The following FNDC3B variants were observed in gnomAD, a reference collection of about 807,000 sequenced individuals.
FNDC3B encodes fibronectin type III domain containing 3B.
In FNDC3B, 12 loss-of-function variants were observed where a neutral mutation model predicts 151.5. The ratio of observed to expected loss-of-function variants is 0.08; its 90% confidence interval spans 0.05 to 0.13. The LOEUF is 0.13. Ranked by LOEUF, FNDC3B falls within the 10% of genes least tolerant of loss-of-function variation. The pLI, the probability that FNDC3B is intolerant of heterozygous loss-of-function variation, is 1.00. For synonymous variants in FNDC3B, 528 were observed against 549.0 expected (o/e 0.96, Z 0.54); for missense variants, 1,214 against 1,505.3 (o/e 0.81, Z 3.20).
chr3:172,175,062 TGCTGCTTTTGCTTTCTC>T (rs915735506), intron 3 of FNDC3B, among the ~76,000 whole-genome samples: 6 of 151,354 alleles, frequency 4.0e-5, no homozygotes, highest in African/African-American at 4.9e-5. Context: ...ACCAGGCCCC[TGCTGCTTTTGCTTTCTC>T]GCTGCTTTTG....
At chr3:172,068,226 T>G (rs1717598431) in intron 1 of FNDC3B, among the ~76,000 whole-genome samples, 1 of 152,132 alleles carries the variant, frequency 6.6e-6, no homozygotes, top group South Asian at 2.1e-4. Context: ...CACCTTTATA[T>G]CCCCAGGGTC....
intron 1 of FNDC3B, among the ~76,000 whole-genome samples, chr3:172,094,299 T>C (rs1263366057): frequency 6.6e-6 from 1 of 152,242 alleles, no homozygotes; most frequent in Non-Finnish European, 1.5e-5. Context: ...CTCATAGCCG[T>C]TGGCAGTTGC....
rs1734633857 is a variant in FNDC3B at position 172,366,629 on chromosome 3, A to AGTC, written c.3008+3784_3008+3785insGTC. Reference sequence around the variant, plus strand: ...TAAGGAACTCACAGTCTGGTGGGTAATGGTAGAACACAGATGCTTTAAAGC... The same window carrying AGTC: ...TAAGGAACTCACAGTCTGGTGGGTAAGTCTGGTAGAACACAGATGCTTTAAAGC... On this transcript the variant is annotated intron_variant, in intron 23 of 25. Transcript: ENST00000415807. Among the ~76,000 whole-genome samples, 3 of 152,350 alleles carry AGTC rather than the reference A, an allele frequency of 2.0e-5. No homozygotes were observed. In the South Asian group the frequency reaches 6.2e-4, roughly 32 times the overall value.
intron 25 of FNDC3B, among the ~76,000 whole-genome samples, chr3:172,392,627 T>C (rs1736065292): frequency 6.6e-6 from 1 of 152,048 alleles, no homozygotes; most frequent in South Asian, 2.1e-4. Context: ...CACACTGGGC[T>C]TTAGAAACAT....
intron 4 of FNDC3B, among the ~76,000 whole-genome samples, chr3:172,238,764 C>G (rs1317661872): frequency 6.6e-6 from 1 of 152,120 alleles, no homozygotes; most frequent in Non-Finnish European, 1.5e-5. Context: ...AGTACCGATG[C>G]ATTTGTACTC....
chr3:172,369,055 A>T (rs1254019476), intron 23 of FNDC3B, among the ~76,000 whole-genome samples: 1 of 152,192 alleles, frequency 6.6e-6, no homozygotes, highest in African/African-American at 2.4e-5. Flanking sequence ...AAGGAGCATA[A>T]CAATTTAGCC....
intron 9 of FNDC3B, among the ~76,000 whole-genome samples, chr3:172,299,897 A>G (rs1031774902): frequency 1.6e-4 from 25 of 152,362 alleles, no homozygotes; most frequent in African/African-American, 6.0e-4. Context: ...GTTAAAAAAA[A>G]GGTAGTAAAG....
In FNDC3B at chr3:172,236,771, A is replaced by G. The variant is rs1727189228; in HGVS notation, c.264+9824A>G. On this transcript the variant is annotated intron_variant, in intron 4 of 25. Transcript: ENST00000415807. ...CTCATCCTGGGGTCTCCAGTTCATA[A>G]GATGTGTCTCTTGACCTTGCTGGAC... 2.0e-5 allele frequency among the ~76,000 whole-genome samples: 3 copies of G among 152,332 alleles called. No homozygotes were observed. In the South Asian group the frequency reaches 6.2e-4, roughly 32 times the overall value.
chr3:172,145,909 G>GT (rs1294724582), intron 3 of FNDC3B, among the ~76,000 whole-genome samples: 1 of 150,886 alleles, frequency 6.6e-6, no homozygotes, highest in Non-Finnish European at 1.5e-5. Flanking sequence ...CGCCACCCGG[G>GT]TTTAAGCGAT....
intron 10 of FNDC3B, among the ~76,000 whole-genome samples, chr3:172,308,882 G>C (rs1422320758): frequency 6.6e-6 from 1 of 152,066 alleles, no homozygotes; most frequent in South Asian, 2.1e-4. Context: ...TGTAAGGAAA[G>C]AATTAAAATC....
rs1736389535 is a variant in FNDC3B at position 172,398,187 on chromosome 3, A to G, written c.*712A>G. 1 of 152,672 alleles carries G rather than the reference A, an allele frequency of 6.5e-6. No homozygotes were observed. The highest frequency in any genetic ancestry group is 2.4e-5 in the African/African-American group (1 of 41,466). 9.5% of individuals were successfully genotyped at this position (152,672 alleles called of 1,614,324 possible). On this transcript the variant is annotated 3_prime_UTR_variant, in exon 26 of 26. Transcript: ENST00000415807. ...AGATTTTACCACATCAATTCATAGC[A>G]GTAACTTTAAGAGGGCATTGTGCAA...
intron 2 of FNDC3B, among the ~76,000 whole-genome samples, chr3:172,122,530 T>C (rs1353120166): frequency 1.3e-5 from 2 of 152,256 alleles, no homozygotes; most frequent in South Asian, 2.1e-4. Flanking sequence ...ACATTATGCA[T>C]GTGCTGCTTT....
At chr3:172,288,151 G>A (rs974870326) in intron 7 of FNDC3B, among the ~76,000 whole-genome samples, 1 of 152,200 alleles carries the variant, frequency 6.6e-6, no homozygotes, top group Non-Finnish European at 1.5e-5. Context: ...GAAAGTATGT[G>A]AGGCAGGTTG....
At chr3:172,204,465 T>C (rs1184391055) in intron 3 of FNDC3B, among the ~76,000 whole-genome samples, 3 of 152,210 alleles carry the variant, frequency 2.0e-5, no homozygotes, top group Non-Finnish European at 4.4e-5. Flanking sequence ...ATGGTCCATT[T>C]CTGTGCATGT....
intron 23 of FNDC3B, among the ~76,000 whole-genome samples, chr3:172,372,472 C>T (rs998121202): frequency 2.0e-5 from 3 of 152,206 alleles, no homozygotes; most frequent in Non-Finnish European, 2.9e-5. Context: ...GCTATATATA[C>T]ATTATTCCTT....
chr3:172,254,674 T>G (rs774869329), intron 6 of FNDC3B, among the ~76,000 whole-genome samples: 1 of 152,188 alleles, frequency 6.6e-6, no homozygotes, highest in Non-Finnish European at 1.5e-5. Flanking sequence ...AGGAAACTGC[T>G]CTGTGGCTAG....
At chr3:172,392,009 C>A (rs954691596) in intron 25 of FNDC3B, among the ~76,000 whole-genome samples, 1 of 152,114 alleles carries the variant, frequency 6.6e-6, no homozygotes, top group South Asian at 2.1e-4. Flanking sequence ...TATTGTTTTC[C>A]TGAGACCTCC....
rs371439501 is a variant in FNDC3B, at chr3:172,115,321, G to A, written c.111+2731G>A. ...TGAAGGAGAAGGAAAACCAAAAGTG[G>A]CAGAGAAACACAAGAGGATGTAGGG... On this transcript the variant is annotated intron_variant, in intron 2 of 25. Transcript: ENST00000415807. Among the ~76,000 whole-genome samples, 26 of 152,290 alleles carry A rather than the reference G, an allele frequency of 1.7e-4. 1 individual carries two copies. In the East Asian group the frequency reaches 2.3e-3, roughly 14 times the overall value.
At chr3:172,274,583 C>T (rs539579979) in intron 6 of FNDC3B, among the ~76,000 whole-genome samples, 3 of 152,246 alleles carry the variant, frequency 2.0e-5, no homozygotes, top group African/African-American at 7.2e-5. Context: ...TATGTATTTG[C>T]ATATGTTTGG....
Sources: gnomAD v4.1 joint callset for allele counts (sites outside exome capture counted in the v4.1 genomes callset) on GRCh38, gnomAD v4.1.1 for gene constraint, MANE v1.5 for transcripts, NCBI Gene and HGNC (gene_info 2026-07-23, HGNC 2026-07-21) for gene names.